CACNG2: variants seen among roughly 807,000 people sequenced by gnomAD.
CACNG2 encodes voltage-dependent calcium channel gamma-2 subunit.
CACNG2 carries 3 observed loss-of-function variants against 25.9 expected under a neutral mutation model. The observed-to-expected ratio is 0.12, with a 90% CI of 0.05 to 0.30. The LOEUF (loss-of-function observed/expected upper bound fraction) is 0.30. Ranked by LOEUF, CACNG2 falls within the 10% of genes least tolerant of loss-of-function variation. The pLI is 1.00. For missense variants in CACNG2, 341 were observed against 432.5 expected (o/e 0.79, Z 1.88); for synonymous variants, 167 against 173.3 (o/e 0.96, Z 0.29).
chr22:36,581,022 C>A (rs1357661606), intron 2 of CACNG2, among the ~76,000 whole-genome samples: 1 of 152,254 alleles, frequency 6.6e-6, no homozygotes, highest in East Asian at 1.9e-4. Context: ...CATGGATGCA[C>A]GCTTGACATT....
At chr22:36,700,097 T>G (rs1413470835) in intron 1 of CACNG2, among the ~76,000 whole-genome samples, 2 of 152,222 alleles carry the variant, frequency 1.3e-5, no homozygotes, top group East Asian at 3.9e-4. Flanking sequence ...CCGGGGGTAG[T>G]GAGGCCCCGC....
chr22:36,586,774 T>C (rs1227416887), intron 2 of CACNG2, among the ~76,000 whole-genome samples: 7 of 152,180 alleles, frequency 4.6e-5, no homozygotes, highest in Non-Finnish European at 8.8e-5. Context: ...AGCCCCTCTC[T>C]TGGAAATCCC....
At chr22:36,609,862 C>T (rs1177125835) in intron 1 of CACNG2, among the ~76,000 whole-genome samples, 3 of 145,944 alleles carry the variant, frequency 2.1e-5, no homozygotes, top group African/African-American at 7.7e-5. Flanking sequence ...GAGCAGGAAT[C>T]AGCCCCGCAA....
chr22:36,576,618 GAGTC>G (rs1297718308), intron 2 of CACNG2, among the ~76,000 whole-genome samples: 1 of 151,938 alleles, frequency 6.6e-6, no homozygotes, highest in African/African-American at 2.4e-5. Context: ...GAGAGAGAGA[GAGTC>G]AGAAAGACCT....
chr22:36,684,766 A>G (rs1937174357), intron 1 of CACNG2, among the ~76,000 whole-genome samples: 4 of 152,164 alleles, frequency 2.6e-5, no homozygotes, highest in Admixed American at 2.6e-4. Flanking sequence ...ACTGCTTGAG[A>G]AGCATATTTA....
chr22:36,622,583 TCTGGA>T (rs1389055211), intron 1 of CACNG2, among the ~76,000 whole-genome samples: 11 of 152,290 alleles, frequency 7.2e-5, no homozygotes, highest in African/African-American at 2.6e-4. Flanking sequence ...GACATTCGGC[TCTGGA>T]CCTCTGTGGG....
Position 36,564,635 on chromosome 22 carries a change from G to C in CACNG2, c.688C>G (p.Arg230Gly). The C allele has an allele frequency of 6.2e-7, 1 of 1,613,910 alleles. No homozygotes were observed. The highest frequency in any genetic ancestry group is 2.2e-5 in the East Asian group (1 of 44,888). The part of the protein sequence containing the change: ...ASAITRIPSY[R>G]YRYQRRSRSS... ...CGGCTGCGGCGCTGGTAGCGGTAGC[G>C]GTAGCTGGGGATGCGGGTGATGGCA... The change falls in exon 4 of 4, where the codon CGC (arginine) becomes GGC (glycine). Residue 230 changes from arginine (R) to glycine (G), a missense_variant. By Grantham distance (125) the Arg-to-Gly change is moderately radical. This residue lies in a region of CACNG2 where 172 missense variants were observed against 178.1 expected (regional missense o/e 0.97). Transcript: ENST00000300105. This position sits in a 1 kb window ranked among gnomAD's most constrained non-coding sequence, Gnocchi z 6.7.
In CACNG2 at chr22:36,606,467, G is replaced by A. The variant is rs1173366093; in HGVS notation, c.212-18919C>T. Among the ~76,000 whole-genome samples the A allele has an allele frequency of 2.0e-5, 3 of 152,166 alleles. No homozygotes were observed. The highest frequency in any genetic ancestry group is 6.5e-5 in the Admixed American group (1 of 15,274). ...AGTGAAAGAGCTGGGCTCTGACCCCGGGCAGGAGGTTCTAGGTGACTGCTG... is the reference window on the plus strand; with the variant it reads ...AGTGAAAGAGCTGGGCTCTGACCCCAGGCAGGAGGTTCTAGGTGACTGCTG... On this transcript the variant is annotated intron_variant, in intron 1 of 3. Transcript: ENST00000300105. This position sits in a 1 kb window ranked among gnomAD's most constrained non-coding sequence, Gnocchi z 5.7.
intron 1 of CACNG2, among the ~76,000 whole-genome samples, chr22:36,605,630 G>A (rs557318550): frequency 6.6e-6 from 1 of 152,360 alleles, no homozygotes; most frequent in South Asian, 2.1e-4. Context: ...TTAAACTTCT[G>A]TCATAGAGTT....
At chr22:36,622,576 A>T (rs2145950641) in intron 1 of CACNG2, among the ~76,000 whole-genome samples, 1 of 152,326 alleles carries the variant, frequency 6.6e-6, no homozygotes, top group South Asian at 2.1e-4. Context: ...GAAGGCAGAC[A>T]TTCGGCTCTG....
chr22:36,681,040 T>G (rs1487393537), intron 1 of CACNG2, among the ~76,000 whole-genome samples: 3 of 152,232 alleles, frequency 2.0e-5, no homozygotes, highest in Non-Finnish European at 4.4e-5. Context: ...TTATTCTTTT[T>G]TTATTATTCT....
intron 1 of CACNG2, among the ~76,000 whole-genome samples, chr22:36,657,667 A>G (rs1428595847): frequency 6.6e-6 from 1 of 152,046 alleles, no homozygotes; most frequent in East Asian, 1.9e-4. Flanking sequence ...CAGAGTTTTC[A>G]TTTTTATAAA....
chr22:36,597,154 C>T (rs1246937962), intron 1 of CACNG2, among the ~76,000 whole-genome samples: 2 of 152,184 alleles, frequency 1.3e-5, no homozygotes, highest in Admixed American at 6.5e-5. Flanking sequence ...TCCCAAGTAG[C>T]TGGGATTACA....
intron 1 of CACNG2, among the ~76,000 whole-genome samples, chr22:36,637,594 A>G (rs1395522683): frequency 6.6e-6 from 1 of 152,150 alleles, no homozygotes; most frequent in Non-Finnish European, 1.5e-5. Context: ...CATATGCATC[A>G]TCTCATTCAA....
rs1935016150 is a variant in CACNG2 at position 36,560,888 on chromosome 22, T to G, written c.*3463A>C. 6.6e-6 allele frequency: 1 copy of G among 151,780 alleles called. No individual in the cohort carries two copies. Among genetic ancestry groups the G allele is most frequent in the Non-Finnish European group, 1.5e-5 (1 of 67,976 alleles). The allele number at this position is 151,780 out of a possible 1,614,324, so 9.4% of individuals were successfully genotyped here. On this transcript the variant is annotated 3_prime_UTR_variant, in exon 4 of 4. Coordinates refer to ENST00000300105, the MANE Select transcript of CACNG2 (RefSeq NM_006078.5). Reference sequence around the variant, plus strand: ...CCAAGCTATAAAAAAAAAAAATCTTTATTTCATGTACCAGGATTTTTTTTT... The same window carrying G: ...CCAAGCTATAAAAAAAAAAAATCTTGATTTCATGTACCAGGATTTTTTTTT...
intron 1 of CACNG2, among the ~76,000 whole-genome samples, chr22:36,670,631 T>TTTTGTTTG (rs199498283): frequency 0.085 from 5,839 of 68,726 alleles, 206 homozygotes; most frequent in African/African-American, 0.32. Context: ...GTTTTTGTTT[T>TTTTGTTTG]TTTGTTTTGT....
intron 1 of CACNG2, among the ~76,000 whole-genome samples, chr22:36,695,467 A>G (rs941681720): frequency 8.0e-6 from 1 of 124,684 alleles, no homozygotes; most frequent in Non-Finnish European, 1.7e-5. Flanking sequence ...CACCCCATCC[A>G]GCATCACCAC....
At chr22:36,699,881 A>G (rs1035898911) in intron 1 of CACNG2, among the ~76,000 whole-genome samples, 12 of 152,196 alleles carry the variant, frequency 7.9e-5, no homozygotes, top group African/African-American at 2.9e-4. Flanking sequence ...GAGGCTTACA[A>G]TCTCCAAACT....
At chr22:36,566,202 C>T (rs370439174) in intron 3 of CACNG2, 151 bp downstream of exon 3, 44 of 774,914 alleles carry the variant, frequency 5.7e-5, no homozygotes, top group Admixed American at 2.3e-4. Context: ...GGAGCCCCCC[C>T]ACCACCTTCC....
Sources: allele counts gnomAD v4.1 joint callset (sites outside exome capture counted in the v4.1 genomes callset), GRCh38; gene constraint gnomAD v4.1.1; regional missense constraint gnomAD v4.1.1; non-coding constraint Gnocchi (gnomAD v3.1); transcripts MANE v1.5; gene names NCBI Gene and HGNC (gene_info 2026-07-23, HGNC 2026-07-21).